Variants in FAM184B observed in about 807,000 individuals in gnomAD.
FAM184B encodes the protein protein FAM184B.
FAM184B carries 111 observed loss-of-function variants against 135.9 expected under a neutral mutation model. The observed-to-expected ratio is 0.82, with a 90% CI of 0.70 to 0.96. The LOEUF (loss-of-function observed/expected upper bound fraction) is 0.96. Ranked by LOEUF, FAM184B falls within the 40% of genes least tolerant of loss-of-function variation. The probability of loss-of-function intolerance (pLI) is 0.00; values close to 1 mark genes in which losing one functional copy is unlikely to be tolerated. For synonymous variants in FAM184B, 552 were observed against 524.8 expected (o/e 1.05, Z -0.71); for missense variants, 1,375 against 1,323.9 (o/e 1.04, Z -0.60).
At chr4:17,673,779 G>T (rs188601271) in intron 7 of FAM184B, among the ~76,000 whole-genome samples, 8 of 152,174 alleles carry the variant, frequency 5.3e-5, no homozygotes, top group East Asian at 1.9e-4. Flanking sequence ...GGTTGGGAAG[G>T]GGGTAAGGGA....
chr4:17,766,120 A>G (rs1718679669), intron 1 of FAM184B, among the ~76,000 whole-genome samples: 1 of 152,176 alleles, frequency 6.6e-6, no homozygotes, highest in Non-Finnish European at 1.5e-5. Context: ...TGGGAAGGTA[A>G]CCTAACCAGG....
At chr4:17,725,424 G>A (rs906206107) in intron 1 of FAM184B, among the ~76,000 whole-genome samples, 3 of 152,164 alleles carry the variant, frequency 2.0e-5, no homozygotes, top group Non-Finnish European at 2.9e-5. Context: ...TCTCATCCCA[G>A]ATACCAATGT....
rs550263854 is a variant in FAM184B at position 17,763,954 on chromosome 4, C to T, written c.141+17205G>A. 9.0e-4 allele frequency among the ~76,000 whole-genome samples: 137 copies of T among 152,182 alleles called. 1 individual carries two copies. Among genetic ancestry groups the T allele is most frequent in the South Asian group, 1.9e-3 (9 of 4,828 alleles). On this transcript the variant is annotated intron_variant, in intron 1 of 17. Coordinates refer to ENST00000265018, the MANE Select transcript of FAM184B (RefSeq NM_015688.2). ...TTACTAAAAATACCATCTAGACAAA[C>T]GTTGTCTTCAAAATGTGAAGATATC...
chr4:17,722,353 G>A (rs192635241), intron 1 of FAM184B, among the ~76,000 whole-genome samples: 1 of 152,312 alleles, frequency 6.6e-6, no homozygotes. Flanking sequence ...GAGAGCAGAG[G>A]TTGTGTGGTT....
At chr4:17,702,096 T>C (rs1716999663) in intron 5 of FAM184B, among the ~76,000 whole-genome samples, 1 of 152,156 alleles carries the variant, frequency 6.6e-6, no homozygotes, top group Non-Finnish European at 1.5e-5. Context: ...GGTGGCAGCA[T>C]AGGTGTTCTA....
Position 17,639,415 on chromosome 4 carries a change from C to A in FAM184B, c.2520-19G>T. The A allele has an allele frequency of 1.3e-6, 2 of 1,550,804 alleles. No homozygotes were observed. Among genetic ancestry groups the A allele is most frequent in the Non-Finnish European group, 1.7e-6 (2 of 1,146,792 alleles). ...CAGGAACCTGTGGTGGATGAAAGCACAGCCAGGCTTGCCCAGCTCCAGGGA... is the reference window on the plus strand; with the variant it reads ...CAGGAACCTGTGGTGGATGAAAGCAAAGCCAGGCTTGCCCAGCTCCAGGGA... On this transcript the variant is annotated intron_variant, in intron 13 of 17. Coordinates refer to ENST00000265018, the MANE Select transcript of FAM184B (RefSeq NM_015688.2).
In FAM184B at chr4:17,639,413, C is replaced by T; in HGVS notation, c.2520-17G>A. On this transcript the variant is annotated splice_polypyrimidine_tract_variant and intron_variant, in intron 13 of 17. Transcript: ENST00000265018. ...TCCAGGAACCTGTGGTGGATGAAAG[C>T]ACAGCCAGGCTTGCCCAGCTCCAGG... The T allele has an allele frequency of 1.9e-6, 3 of 1,550,858 alleles. No homozygotes were observed. The highest frequency in any genetic ancestry group is 2.6e-6 in the Non-Finnish European group (3 of 1,146,812).
intron 14 of FAM184B, among the ~76,000 whole-genome samples, chr4:17,637,290 G>C (rs1715171517): frequency 6.6e-6 from 1 of 152,214 alleles, no homozygotes; most frequent in African/African-American, 2.4e-5. Context: ...GCCTCCCAAA[G>C]TGCTGGGATT....
intron 1 of FAM184B, among the ~76,000 whole-genome samples, chr4:17,728,183 T>C (rs1265846207): frequency 3.3e-5 from 5 of 152,080 alleles, no homozygotes; most frequent in Non-Finnish European, 7.3e-5. Context: ...AAGGTAGTGA[T>C]GATGAGGATG....
At chr4:17,632,691 C>G in intron 17 of FAM184B, 66 bp from the exon 18 acceptor site, 1 of 1,064,768 alleles carries the variant, frequency 9.4e-7, no homozygotes, top group Non-Finnish European at 1.4e-6. Context: ...TTAATACCCA[C>G]CATCTTTTCA....
rs1189072122 is a variant in FAM184B, at chr4:17,705,875, C to T, written c.1047G>A (p.Glu349=). 6.4e-7 allele frequency: 1 copy of T among 1,552,298 alleles called. No homozygotes were observed. Among genetic ancestry groups the T allele is most frequent in the Non-Finnish European group, 8.7e-7 (1 of 1,147,124 alleles). The change falls in exon 4 of 18, where the codon GAG becomes GAA. Residue 349 remains glutamate (E), a synonymous_variant. Coordinates refer to ENST00000265018, the MANE Select transcript of FAM184B (RefSeq NM_015688.2). ...GCAGGACTTTGTTCTCTGAAACTAA[C>T]TCAGTCTTCATGGCATCTGCAAGCA... is the stretch of plus-strand genomic sequence containing the variant. ...GTQQTDAMKT[E]LVSENKVLRE... is the part of the protein sequence containing the mutation.
intron 8 of FAM184B, among the ~76,000 whole-genome samples, chr4:17,663,771 A>G (rs887891773): frequency 3.3e-5 from 5 of 151,928 alleles, no homozygotes; most frequent in African/African-American, 1.2e-4. Flanking sequence ...AATCCCCATA[A>G]TCCCCACGTG....
chr4:17,680,465 A>C (rs921216889), intron 7 of FAM184B, among the ~76,000 whole-genome samples: 1 of 152,158 alleles, frequency 6.6e-6, no homozygotes, highest in South Asian at 2.1e-4. Flanking sequence ...TGTTCCCCAA[A>C]ACCCTACTGA....
At chr4:17,680,388 A>G (rs962230752) in intron 7 of FAM184B, among the ~76,000 whole-genome samples, 1 of 152,146 alleles carries the variant, frequency 6.6e-6, no homozygotes, top group East Asian at 1.9e-4. Context: ...CTAGATTTGA[A>G]CACATGTTCA....
At position 17,728,720 on chromosome 4, in the gene FAM184B, C is replaced by T. The variant is rs75850319; in HGVS notation, c.142-19076G>A. ...ATTTCAGCATGTTAGTAGTAACCTCCGGGTGATGGGATTACAGTAGATTTA... is the reference window on the plus strand; with the variant it reads ...ATTTCAGCATGTTAGTAGTAACCTCTGGGTGATGGGATTACAGTAGATTTA... On this transcript the variant is annotated intron_variant, in intron 1 of 17. Transcript: ENST00000265018. Among the ~76,000 whole-genome samples the T allele has an allele frequency of 8.7e-3, 1,325 of 152,094 alleles. 20 individuals carry two copies. Among genetic ancestry groups the T allele is most frequent in the African/African-American group, 0.03 (1,262 of 41,482 alleles).
Position 17,632,496 on chromosome 4 carries a change from T to C in FAM184B, c.*36A>G. 1 of 1,448,230 alleles carries C rather than the reference T, an allele frequency of 6.9e-7. No individual in the cohort carries two copies. Among genetic ancestry groups the C allele is most frequent in the South Asian group, 1.3e-5 (1 of 79,402 alleles). 89.7% of individuals were successfully genotyped at this position (1,448,230 alleles called of 1,614,324 possible). A position where few individuals can be genotyped will look rare whatever the true frequency, so the allele number is the denominator to read the frequency against. On this transcript the variant is annotated 3_prime_UTR_variant, in exon 18 of 18. Transcript: ENST00000265018. ...ATCGGATGATTTAAAATAAATGTTT[T>C]TCAAGTATCCTCTGTGATGTATCCC...
At chr4:17,688,952 A>T (rs1391931100) in intron 6 of FAM184B, among the ~76,000 whole-genome samples, 2 of 152,048 alleles carry the variant, frequency 1.3e-5, no homozygotes, top group African/African-American at 4.8e-5. Flanking sequence ...CTCGGCCTCC[A>T]AAAGGGCTGG....
At position 17,647,716 on chromosome 4, in the gene FAM184B, G is replaced by T. The variant is rs937031659; in HGVS notation, c.2267C>A (p.Ala756Asp). 1.4e-5 allele frequency: 21 copies of T among 1,551,024 alleles called. No homozygotes were observed. The highest frequency in any genetic ancestry group is 3.9e-5 in the Admixed American group (2 of 51,004). Residue 756 changes from alanine (A) to aspartate (D), a missense_variant, in exon 12 of 18, where the codon GCC becomes GAC. By Grantham distance (126) the Ala-to-Asp change is moderately radical. Coordinates refer to ENST00000265018, the MANE Select transcript of FAM184B (RefSeq NM_015688.2). The part of the protein sequence containing the change: ...GHQKDLEALQ[A>D]ELRALGRQQA... Reference sequence around the variant, plus strand: ...CTGTCTGCCCAGAGCCCTCAGCTCGGCCTGCAGTGCCTCCAAGTCCTTCTG... The same window carrying T: ...CTGTCTGCCCAGAGCCCTCAGCTCGTCCTGCAGTGCCTCCAAGTCCTTCTG...
chr4:17,696,478 G>T (rs535789926), intron 5 of FAM184B, among the ~76,000 whole-genome samples: 15 of 152,298 alleles, frequency 9.8e-5, no homozygotes, highest in Admixed American at 3.9e-4. Context: ...CAGGGAGAAA[G>T]TACTCTTCAT....
Sources: gnomAD v4.1 joint callset for allele counts (sites outside exome capture counted in the v4.1 genomes callset) on GRCh38, gnomAD v4.1.1 for gene constraint, MANE v1.5 for transcripts, NCBI Gene and HGNC (gene_info 2026-07-23, HGNC 2026-07-21) for gene names.